STK31: variants seen among roughly 807,000 people sequenced by gnomAD.
STK31 encodes the protein serine/threonine kinase 31, also known as serine/threonine-protein kinase 31.
A neutral mutation model predicts 129.7 loss-of-function variants in STK31; 89 were observed. That is an observed-to-expected ratio of 0.69 (90% CI 0.58 to 0.82). STK31 has a LOEUF of 0.82. Among genes scored for constraint, STK31 ranks in the 40% least tolerant of loss-of-function variants. The pLI is 0.00. For missense variants in STK31, 1,187 were observed against 1,176.4 expected (o/e 1.01, Z -0.13); for synonymous variants, 448 against 395.3 (o/e 1.13, Z -1.58).
chr7:23,762,300 A>G (rs1789524511), intron 10 of STK31, among the ~76,000 whole-genome samples: 1 of 146,552 alleles, frequency 6.8e-6, no homozygotes, highest in African/African-American at 2.5e-5. Context: ...TGGGTACAGG[A>G]TGGATATATT....
chr7:23,734,409 CAGGAAAATA>C (rs1393795503), intron 6 of STK31, among the ~76,000 whole-genome samples: 1 of 152,118 alleles, frequency 6.6e-6, no homozygotes, highest in Non-Finnish European at 1.5e-5. Context: ...GGGTGAAATT[CAGGAAAATA>C]ACCTAGAGAA....
At chr7:23,735,290 T>C (rs775706948) in intron 6 of STK31, among the ~76,000 whole-genome samples, 9 of 152,240 alleles carry the variant, frequency 5.9e-5, no homozygotes, top group Non-Finnish European at 1.2e-4. Context: ...GATATTTACT[T>C]AGTATACATT....
At chr7:23,742,999 C>G (rs2128085914) in intron 8 of STK31, among the ~76,000 whole-genome samples, 1 of 147,976 alleles carries the variant, frequency 6.8e-6, no homozygotes, top group East Asian at 2.0e-4. Context: ...GTCGCCCAGG[C>G]TGGAGTGCAA....
At chr7:23,720,524 A>AAC (rs1036849649) in intron 4 of STK31, among the ~76,000 whole-genome samples, 8 of 152,176 alleles carry the variant, frequency 5.3e-5, no homozygotes, top group Non-Finnish European at 8.8e-5. Context: ...CTACAGGAAA[A>AAC]ACAATTCTAA....
chr7:23,809,028 T>G (rs145196651), intron 22 of STK31, among the ~76,000 whole-genome samples: 1 of 149,396 alleles, frequency 6.7e-6, no homozygotes, highest in African/African-American at 2.5e-5. Flanking sequence ...ATCAGAGATA[T>G]AGGGGGGCAA....
chr7:23,790,982 T>C (rs778906041), intron 22 of STK31, 36 bp downstream of exon 22: 27 of 1,399,792 alleles, frequency 1.9e-5, no homozygotes, highest in Admixed American at 5.4e-5. Context: ...ATCATATATA[T>C]ATATATTTCA....
chr7:23,730,691 T>G lies in STK31; in HGVS notation c.483+1442T>G, dbSNP rs73271365. Among the ~76,000 whole-genome samples the G allele has an allele frequency of 3.2e-3, 481 of 151,596 alleles. 2 individuals carry two copies. Among genetic ancestry groups the G allele is most frequent in the African/African-American group, 0.011 (461 of 41,354 alleles). On this transcript the variant is annotated intron_variant, in intron 6 of 23. Transcript: ENST00000355870. ...GGCCTAGAACTCAAGTCTGTTGTTC[T>G]TTTCATAGTAAAATGCACAGATTTG...
chr7:23,747,011 G>T (rs1263220489), intron 8 of STK31, among the ~76,000 whole-genome samples: 1 of 152,026 alleles, frequency 6.6e-6, no homozygotes, highest in Non-Finnish European at 1.5e-5. Context: ...GATCTGTGCA[G>T]TTCAAACCTG....
rs918465118 is a variant in STK31, at chr7:23,712,412, A to G, written c.150+126A>G. 7.7e-6 allele frequency: 7 copies of G among 903,690 alleles called. No homozygotes were observed. The African/African-American group carries it at 1.2e-4, about 15-fold the overall frequency. 56.0% of individuals were successfully genotyped at this position (903,690 alleles called of 1,614,324 possible). The stretch of plus-strand genomic sequence containing the variant: ...CTCATTGCCTAATATTTATTGAATT[A>G]TTTATCACCAGGCATTATTAGGAGA... On this transcript the variant is annotated intron_variant, in intron 3 of 23. Coordinates refer to ENST00000355870, the MANE Select transcript of STK31 (RefSeq NM_031414.5).
rs140938908 is a variant in STK31, at chr7:23,741,110, T to G, written c.1017+4032T>G. On this transcript the variant is annotated intron_variant, in intron 8 of 23. Coordinates refer to ENST00000355870, the MANE Select transcript of STK31 (RefSeq NM_031414.5). ...ATTCTTTTTGATGCCCATCTTATAC[T>G]CTTTGGAAGTCTCTTTAAGTTGTTG... Among the ~76,000 whole-genome samples, 546 of 152,322 alleles carry G rather than the reference T, an allele frequency of 3.6e-3. 8 individuals are homozygous for G. Among genetic ancestry groups the G allele is most frequent in the African/African-American group, 0.012 (499 of 41,568 alleles).
chr7:23,770,779 A>AT (rs1554291238), intron 13 of STK31, among the ~76,000 whole-genome samples: 3 of 151,344 alleles, frequency 2.0e-5, no homozygotes, highest in South Asian at 2.1e-4. Context: ...CTAATTAAAA[A>AT]TTTTTTTTTA....
intron 20 of STK31, 122 bp from the exon 21 acceptor site, chr7:23,787,855 CTTA>C (rs1348091160): frequency 1.1e-6 from 1 of 881,266 alleles, no homozygotes; most frequent in Non-Finnish European, 1.6e-6. Context: ...ATGCTGTATT[CTTA>C]TTAATGGTTC....
chr7:23,710,792 T>C (rs998304702), intron 1 of STK31: 12 of 1,013,912 alleles, frequency 1.2e-5, no homozygotes, highest in Non-Finnish European at 1.4e-5. Flanking sequence ...TAAAATAAGA[T>C]TTAAAAACTA....
At position 23,791,566 on chromosome 7, in the gene STK31, C is replaced by T. The variant is rs182968529; in HGVS notation, c.2760+620C>T. ...TTATCTGTACACCAAACTCCCATGA[C>T]ACACTGTTTACCCATGTAACAAACC... On this transcript the variant is annotated intron_variant, in intron 22 of 23. Transcript: ENST00000355870. 8.2e-4 allele frequency among the ~76,000 whole-genome samples: 125 copies of T among 152,282 alleles called. No homozygotes were observed. The Middle Eastern group carries it at 0.01, about 12-fold the overall frequency.
chr7:23,717,097 C>CTTTTTTTTTTTTTTTTTTTTTTTTTT (rs70956911), intron 3 of STK31, among the ~76,000 whole-genome samples: 3 of 42,956 alleles, frequency 7.0e-5, no homozygotes, highest in African/African-American at 1.0e-4. Flanking sequence ...TCGCAACCTG[C>CTTTTTTTTTTTTTTTTTTTTTTTTTT]TTTTTTTTTT....
chr7:23,737,994 T>C (rs1366055434), intron 8 of STK31, among the ~76,000 whole-genome samples: 1 of 152,134 alleles, frequency 6.6e-6, no homozygotes, highest in Non-Finnish European at 1.5e-5. Context: ...TGACACTACA[T>C]TACCTGTACT....
chr7:23,796,938 C>CA (rs148242178), intron 22 of STK31, among the ~76,000 whole-genome samples: 103 of 147,528 alleles, frequency 7.0e-4, no homozygotes, highest in Admixed American at 1.4e-3. Context: ...TAATGGAAAG[C>CA]AAAAAAAAAA....
At chr7:23,717,292 CT>C (rs1786402150) in intron 3 of STK31, among the ~76,000 whole-genome samples, 188 bp from the exon 4 acceptor site, 1 of 151,546 alleles carries the variant, frequency 6.6e-6, no homozygotes, top group Admixed American at 6.6e-5. Flanking sequence ...GGGAAGTAAA[CT>C]TTTTCTATGG....
chr7:23,717,734 A>G (rs903487063), intron 4 of STK31, among the ~76,000 whole-genome samples, 155 bp downstream of exon 4: 2 of 152,208 alleles, frequency 1.3e-5, no homozygotes, highest in African/African-American at 4.8e-5. Flanking sequence ...TATTAATTCA[A>G]AAATACTTAT....
Sources: gnomAD v4.1 joint callset for allele counts (sites outside exome capture counted in the v4.1 genomes callset) on GRCh38, gnomAD v4.1.1 for gene constraint, MANE v1.5 for transcripts, NCBI Gene and HGNC (gene_info 2026-07-23, HGNC 2026-07-21) for gene names.